SERPINC1: variants seen among roughly 807,000 people sequenced by gnomAD.
The protein encoded by SERPINC1 is antithrombin-III.
Under a neutral mutation model 43.4 loss-of-function variants are expected in SERPINC1, and 12 were observed. The observed-to-expected ratio is 0.28, with a 90% CI of 0.18 to 0.45. The LOEUF is 0.45. SERPINC1 is among the 20% of genes least tolerant of loss of function. The probability of loss-of-function intolerance (pLI) is 1.00; values close to 1 mark genes in which losing one functional copy is unlikely to be tolerated. For missense variants in SERPINC1, 423 were observed against 578.8 expected, an observed-to-expected ratio of 0.73 and a Z score of 2.76; for synonymous variants, 210 against 218.9, an observed-to-expected ratio of 0.96 and a Z score of 0.36.
chr1:173,913,077 G>C (rs999541952), intron 2 of SERPINC1, among the ~76,000 whole-genome samples: 3 of 152,176 alleles, frequency 2.0e-5, no homozygotes, highest in Non-Finnish European at 4.4e-5. Context: ...CATGGAAATT[G>C]ACCACTAGAA....
chr1:173,907,775 T>G (rs1025246745), intron 5 of SERPINC1, among the ~76,000 whole-genome samples: 3 of 151,520 alleles, frequency 2.0e-5, no homozygotes, highest in Non-Finnish European at 1.5e-5. Flanking sequence ...AGGTCAGGAG[T>G]TGGAGACACT....
In SERPINC1 at chr1:173,909,580, C is replaced by A; in HGVS notation, c.1125G>T (p.Leu375=). 6.2e-7 allele frequency: 1 copy of A among 1,614,006 alleles called. No individual in the cohort carries two copies. The highest frequency in any genetic ancestry group is 8.5e-7 in the Non-Finnish European group (1 of 1,180,036). The change falls in exon 5 of 7, where the codon CTG becomes CTT. Residue 375 remains leucine, a synonymous_variant. Transcript: ENST00000367698. ...EQLQDMGLVD[L]FSPEKSKLPG... The stretch of plus-strand genomic sequence containing the variant: ...GGAGTTTGGACTTTTCAGGGCTGAA[C>A]AGATCGACAAGGCCCATGTCTTGCA...
At position 173,911,991 on chromosome 1, in the gene SERPINC1, A is replaced by C. The variant is rs1404238823; in HGVS notation, c.432T>G (p.Ser144=). 6.2e-7 allele frequency: 1 copy of C among 1,614,090 alleles called. No homozygotes were observed. The highest frequency in any genetic ancestry group is 8.5e-7 in the Non-Finnish European group (1 of 1,179,932). The change falls in exon 3 of 7, where the codon TCT becomes TCG. Residue 144 remains serine, a synonymous_variant. Transcript: ENST00000367698. ...AGTGGATCTGATCAGATGTTTTCTCAGATATGGTGTCAAACTTAAATACCT... is the reference window on the plus strand; with the variant it reads ...AGTGGATCTGATCAGATGTTTTCTCCGATATGGTGTCAAACTTAAATACCT... ...LMEVFKFDTI[S]EKTSDQIHFF...
At chr1:173,908,012 AATAATAATAATAAT>A (rs1657600447) in intron 5 of SERPINC1, among the ~76,000 whole-genome samples, 1 of 119,178 alleles carries the variant, frequency 8.4e-6, no homozygotes, top group African/African-American at 3.0e-5. Context: ...TAATAATAAT[AATAATAATAATAAT>A]AAAAGTACTT....
At chr1:173,913,893 C>T (rs905675282) in intron 2 of SERPINC1, among the ~76,000 whole-genome samples, 3 of 151,136 alleles carry the variant, frequency 2.0e-5, no homozygotes, top group Non-Finnish European at 2.9e-5. Context: ...AGTCTGGCCA[C>T]GTGGTGAAAC....
Position 173,909,849 on chromosome 1 carries a change from G to C in SERPINC1, c.856C>G (p.Gln286Glu). The change falls in exon 5 of 7, where the codon CAG (glutamine) becomes GAG (glutamate). Residue 286 changes from glutamine (Q) to glutamate (E), a missense_variant. Transcript: ENST00000367698. ...CGCCGATAACGGAACTTGCCTTCCT[G>C]GTACATCATAGATGCTGAACACGAC... ...GESCSASMMY[Q>E]EGKFRYRRVA... The C allele has an allele frequency of 6.2e-7, 1 of 1,614,020 alleles. No homozygotes were observed. The highest frequency in any genetic ancestry group is 8.5e-7 in the Non-Finnish European group (1 of 1,179,900).
Position 173,907,513 on chromosome 1 carries a change from A to T in SERPINC1, c.1155T>A (p.Gly385=). The part of the protein sequence containing the change: ...LFSPEKSKLP[G]IVAEGRDDLY... ...GGTCATCTCGGCCTTCTGCAACAAT[A>T]CCTGGAAGGAAGACCGGAGAAGTCT... Residue 385 remains glycine, a splice_region_variant and synonymous_variant, in exon 6 of 7, where the codon GGT becomes GGA. Transcript: ENST00000367698. The T allele has an allele frequency of 6.2e-7, 1 of 1,613,530 alleles. No individual in the cohort carries two copies. The highest frequency in any genetic ancestry group is 8.5e-7 in the Non-Finnish European group (1 of 1,179,466).
In SERPINC1 at chr1:173,909,724, T is replaced by C. The variant is rs5877; in HGVS notation, c.981A>G (p.Val327=). ...GCACCTCTGGGGTGAGTTCCTTCTC[T>C]ACCTTGGCCAGGCTCTTCTCAGGCT... ...LPKPEKSLAK[V]EKELTPEVLQ... Residue 327 remains valine (V), a synonymous_variant, in exon 5 of 7, where the codon GTA becomes GTG. Transcript: ENST00000367698. 0.37 allele frequency: 597,732 copies of C among 1,613,786 alleles called. 120,693 individuals carry two copies. The highest frequency in any genetic ancestry group is 0.77 in the African/African-American group (58,097 of 75,020).
At chr1:173,910,952 C>G in intron 3 of SERPINC1, 61 bp from the exon 4 acceptor site, 1 of 1,584,130 alleles carries the variant, frequency 6.3e-7, no homozygotes, top group Non-Finnish European at 8.7e-7. Flanking sequence ...CTCCATTTTC[C>G]CAGGCAGCAT....
intron 1 of SERPINC1, chr1:173,915,189 G>A: frequency 1.5e-6 from 2 of 1,336,064 alleles, no homozygotes; most frequent in South Asian, 3.3e-5. Context: ...TCCCCACGCT[G>A]GGAGAAAAAA....
chr1:173,906,281 C>CAGA (rs1039267382), intron 6 of SERPINC1, among the ~76,000 whole-genome samples: 7 of 152,174 alleles, frequency 4.6e-5, no homozygotes, highest in Non-Finnish European at 1.0e-4. Flanking sequence ...ACTTGAGAAC[C>CAGA]AGAAGTTCCA....
intron 2 of SERPINC1, among the ~76,000 whole-genome samples, chr1:173,913,494 G>T: frequency 6.6e-6 from 1 of 151,708 alleles, no homozygotes; most frequent in East Asian, 1.9e-4. Flanking sequence ...ACCATCCTAG[G>T]CCCCGTGCAG....
At chr1:173,913,569 G>A (rs1320363165) in intron 2 of SERPINC1, among the ~76,000 whole-genome samples, 1 of 152,156 alleles carries the variant, frequency 6.6e-6, no homozygotes. Context: ...GAAGTCAAGA[G>A]TTTGAGGCCA....
At chr1:173,916,078 AT>A (rs1391673536) in intron 1 of SERPINC1, among the ~76,000 whole-genome samples, 1 of 152,184 alleles carries the variant, frequency 6.6e-6, no homozygotes, top group Non-Finnish European at 1.5e-5. Context: ...ATTGCCTGGA[AT>A]TTTTAATAGT....
Position 173,914,579 on chromosome 1 carries a change from T to A in SERPINC1, c.382A>T (p.Asn128Tyr), listed in dbSNP as rs1657908048. Residue 128 changes from asparagine to tyrosine, a missense_variant, in exon 2 of 7, where the codon AAT (asparagine) becomes TAT (tyrosine). Physicochemically the swap from Asn to Tyr is moderately radical, Grantham distance 143. Coordinates refer to ENST00000367698, the MANE Select transcript of SERPINC1 (RefSeq NM_000488.4). Reference protein sequence around the residue: ...AFAMTKLGACNDTLQQLMEVF... With the variant: ...AFAMTKLGACYDTLQQLMEVF... ...TCCATCAGTTGCTGGAGGGTGTCAT[T>A]ACAGGCACCCAGCTTGGTCATAGCA... 1 of 1,614,024 alleles carries A rather than the reference T, an allele frequency of 6.2e-7. No homozygotes were observed. Among genetic ancestry groups the A allele is most frequent in the African/African-American group, 1.3e-5 (1 of 74,916 alleles).
intron 3 of SERPINC1, 142 bp from the exon 4 acceptor site, chr1:173,911,033 G>A (rs1233053943): frequency 8.2e-6 from 7 of 854,712 alleles, no homozygotes; most frequent in South Asian, 6.9e-5. Context: ...AACCCAAATT[G>A]GGGAAGCCTC....
At chr1:173,916,529 G>A (rs777274514) in intron 1 of SERPINC1, among the ~76,000 whole-genome samples, 1 of 152,236 alleles carries the variant, frequency 6.6e-6, no homozygotes, top group Non-Finnish European at 1.5e-5. Flanking sequence ...AGAGAGAGGA[G>A]AGGACCCTGC....
rs374740349 is a variant in SERPINC1, at chr1:173,907,984, A to AAAAAAT, written c.1154-471_1154-470insATTTTT. Among the ~76,000 whole-genome samples, 7 of 139,442 alleles carry AAAAAAT rather than the reference A, an allele frequency of 5.0e-5. No individual in the cohort carries two copies. In the East Asian group the frequency reaches 6.3e-4, roughly 13 times the overall value. 91.5% of individuals were successfully genotyped at this position (139,442 alleles called of 152,430 possible). ...CAACAAGAGCAAAACTGCATCTCAA[A>AAAAAAT]AATAATAATAATAATAATAATAATA... is the stretch of plus-strand genomic sequence containing the variant. On this transcript the variant is annotated intron_variant, in intron 5 of 6. Transcript: ENST00000367698.
At chr1:173,912,684 C>T (rs1037790453) in intron 2 of SERPINC1, among the ~76,000 whole-genome samples, 1 of 152,046 alleles carries the variant, frequency 6.6e-6, no homozygotes, top group Non-Finnish European at 1.5e-5. Context: ...CCAATAGGCA[C>T]TTTTTTTAGG....
Sources: gnomAD v4.1 joint callset for allele counts (sites outside exome capture counted in the v4.1 genomes callset) on GRCh38, gnomAD v4.1.1 for gene constraint, MANE v1.5 for transcripts, NCBI Gene and HGNC (gene_info 2026-07-23, HGNC 2026-07-21) for gene names.